The following TSKS variants were observed in gnomAD, a reference collection of about 807,000 sequenced individuals.
TSKS encodes the protein testis specific serine kinase substrate.
TSKS carries 27 observed loss-of-function variants against 68.0 expected under a neutral mutation model. That is an observed-to-expected ratio of 0.40 (90% CI 0.29 to 0.55). TSKS has a LOEUF of 0.55. TSKS is among the 20% of genes least tolerant of loss of function. The probability of loss-of-function intolerance (pLI) is 0.53; values close to 1 mark genes in which losing one functional copy is unlikely to be tolerated. For synonymous variants in TSKS, 331 were observed against 340.4 expected (o/e 0.97, Z 0.30); for missense variants, 806 against 776.0 (o/e 1.04, Z -0.46).
chr19:49,746,839 T>C (rs1276560132), intron 5 of TSKS, 41 bp from the exon 6 acceptor site: 3 of 1,579,666 alleles, frequency 1.9e-6, no homozygotes, highest in Admixed American at 3.4e-5. Context: ...GTCCAGCCGC[T>C]TTCCTCCCGC....
At position 49,745,389 on chromosome 19, in the gene TSKS, C is replaced by A. The variant is rs201892800; in HGVS notation, c.1000G>T (p.Val334Leu). ...TGCCACCGGGCGGTCAGTGAGGACA[C>A]CTCTCTCCTGGAGGGGCAGAGGAGG... ...FTGIEELRRE[V>L]SSLTARWHQE... The change falls in exon 7 of 11, where the codon GTG becomes TTG. Residue 334 changes from valine (V) to leucine (L), a missense_variant. Coordinates refer to ENST00000246801, the MANE Select transcript of TSKS (RefSeq NM_021733.2). The A allele has an allele frequency of 1.6e-4, 254 of 1,560,980 alleles. No homozygotes were observed. The highest frequency in any genetic ancestry group is 2.0e-4 in the Non-Finnish European group (234 of 1,156,934).
intron 2 of TSKS, among the ~76,000 whole-genome samples, chr19:49,752,030 C>T (rs561631551): frequency 1.1e-4 from 17 of 150,188 alleles, no homozygotes; most frequent in South Asian, 4.2e-4. Flanking sequence ...GCCGAGATTG[C>T]GCCACTGCAC....
At chr19:49,762,987 C>T (rs2084456510) in intron 1 of TSKS, 91 bp downstream of exon 1, 1 of 1,479,672 alleles carries the variant, frequency 6.8e-7, no homozygotes, top group Non-Finnish European at 9.0e-7. Context: ...TTTCCCCCTC[C>T]CCTTCCTCTA....
Position 49,745,505 on chromosome 19 carries a change from A to G in TSKS, c.993-109T>C, listed in dbSNP as rs567488095. 1.9e-4 allele frequency: 184 copies of G among 980,148 alleles called. 1 individual carries two copies. In the South Asian group the frequency reaches 3.2e-3, roughly 17 times the overall value. The allele number at this position is 980,148 out of a possible 1,614,324, so 60.7% of individuals were successfully genotyped here. ...TCACCTATCTCGCCCCACTGAGACC[A>G]TGCCCGTGGCTCCAGACCCACCCAG... On this transcript the variant is annotated intron_variant, in intron 6 of 10. Transcript: ENST00000246801.
chr19:49,748,518 C>A, intron 2 of TSKS, 49 bp from the exon 3 acceptor site: 1 of 1,562,800 alleles, frequency 6.4e-7, no homozygotes. Context: ...TGGGGGCAAG[C>A]CCCAAGCCCA....
In TSKS at chr19:49,745,312, G is replaced by A. The variant is rs778402211; in HGVS notation, c.1077C>T (p.Gly359=). 4.4e-6 allele frequency: 7 copies of A among 1,603,852 alleles called. No homozygotes were observed. In the Admixed American group the frequency reaches 5.0e-5, roughly 12 times the overall value. Reference sequence around the variant, plus strand: ...GGCCTAGGAAGCCGTCGACCCTGCCGCCCAGGCCCCCGAGCAGCCGCAGGG... The same window carrying A: ...GGCCTAGGAAGCCGTCGACCCTGCCACCCAGGCCCCCGAGCAGCCGCAGGG... The part of the protein sequence containing the change: ...QEALRLLGGL[G]GRVDGFLGQW... The change falls in exon 7 of 11, where the codon GGC becomes GGT. Residue 359 remains glycine, a synonymous_variant. Coordinates refer to ENST00000246801, the MANE Select transcript of TSKS (RefSeq NM_021733.2).
intron 6 of TSKS, among the ~76,000 whole-genome samples, chr19:49,745,808 A>G (rs1358107564): frequency 1.3e-5 from 2 of 151,956 alleles, no homozygotes; most frequent in Admixed American, 6.6e-5. Flanking sequence ...AAAGTTCCTT[A>G]TTCTGTCCCT....
In TSKS at chr19:49,762,315, C is replaced by T. The variant is rs181805628; in HGVS notation, c.171-83G>A. The T allele has an allele frequency of 9.6e-5, 93 of 969,398 alleles. 1 individual carries two copies. In the East Asian group the frequency reaches 1.7e-3, roughly 17 times the overall value. The allele number at this position is 969,398 out of a possible 1,614,324, so 60.0% of individuals were successfully genotyped here. A position where few individuals can be genotyped will look rare whatever the true frequency, so the allele number is the denominator to read the frequency against. The stretch of plus-strand genomic sequence containing the variant: ...CCTGCCTTCCTTTCTCCATACCTCA[C>T]CCCCTGTGACTCCACCCTCACTGTA... On this transcript the variant is annotated intron_variant, in intron 1 of 10. Transcript: ENST00000246801.
chr19:49,745,196 C>T lies in TSKS; in HGVS notation c.1187+6G>A, dbSNP rs1172324886. 1.9e-6 allele frequency: 3 copies of T among 1,575,870 alleles called. No homozygotes were observed. The highest frequency in any genetic ancestry group is 1.7e-5 in the Admixed American group (1 of 58,140). On this transcript the variant is annotated splice_donor_region_variant and intron_variant, in intron 7 of 10. Coordinates refer to ENST00000246801, the MANE Select transcript of TSKS (RefSeq NM_021733.2). ...GGTCTTCCCATGCACTGGCCCCAAT[C>T]CTCACATGGTGCACAGCTCATCCGC...
At chr19:49,748,247 G>T (rs1036842982) in intron 3 of TSKS, 79 bp from the exon 4 acceptor site, 16 of 1,579,274 alleles carry the variant, frequency 1.0e-5, no homozygotes, top group Non-Finnish European at 1.2e-5. Flanking sequence ...GCCTGGGAAG[G>T]TTCCTTTTCT....
intron 2 of TSKS, among the ~76,000 whole-genome samples, chr19:49,759,132 C>G (rs1406682427): frequency 6.6e-6 from 1 of 151,460 alleles, no homozygotes; most frequent in African/African-American, 2.4e-5. Context: ...GCTGGGATTA[C>G]AGGCATGAGC....
chr19:49,762,240 GAAGAAACAGGCAGAA>G lies in TSKS; in HGVS notation c.171-23_171-9del. On this transcript the variant is annotated splice_polypyrimidine_tract_variant and intron_variant, in intron 1 of 10. Coordinates refer to ENST00000246801, the MANE Select transcript of TSKS (RefSeq NM_021733.2). Reference sequence around the variant, plus strand: ...GACATCTGGGGCTCCACCCTGCAGAGAAGAAACAGGCAGAAAAGTGGAGAAGCAGCCCCAGGGTGT... The same window carrying G: ...GACATCTGGGGCTCCACCCTGCAGAGAAGTGGAGAAGCAGCCCCAGGGTGT... 3 of 1,611,218 alleles carry G rather than the reference GAAGAAACAGGCAGAA, an allele frequency of 1.9e-6. No individual in the cohort carries two copies. In the South Asian group the frequency reaches 3.3e-5, roughly 18 times the overall value.
intron 8 of TSKS, among the ~76,000 whole-genome samples, chr19:49,742,444 C>A (rs2084260371): frequency 6.6e-6 from 1 of 151,446 alleles, no homozygotes; most frequent in Non-Finnish European, 1.5e-5. Context: ...GATCTGCCCA[C>A]CTCGGCCTCC....
chr19:49,761,831 C>T (rs146250633), intron 2 of TSKS, among the ~76,000 whole-genome samples, 173 bp downstream of exon 2: 1 of 152,270 alleles, frequency 6.6e-6, no homozygotes, highest in East Asian at 1.9e-4. Flanking sequence ...CTCCCAGATT[C>T]ATGGCTGGCT....
intron 2 of TSKS, among the ~76,000 whole-genome samples, chr19:49,758,761 G>A (rs2084414564): frequency 6.6e-6 from 1 of 152,144 alleles, no homozygotes; most frequent in African/African-American, 2.4e-5. Flanking sequence ...TTTTGCATTA[G>A]TGACAAAAGC....
intron 2 of TSKS, among the ~76,000 whole-genome samples, chr19:49,753,692 G>A (rs1012895330): frequency 1.3e-5 from 2 of 150,262 alleles, no homozygotes; most frequent in East Asian, 1.9e-4. Flanking sequence ...GTTAGAGGCT[G>A]CAGTGGGCCA....
chr19:49,740,283 C>G, intron 9 of TSKS, 100 bp from the exon 10 acceptor site: 1 of 1,398,430 alleles, frequency 7.2e-7, no homozygotes, highest in Non-Finnish European at 9.5e-7. Context: ...CCCATGGGGC[C>G]CACATTTCTC....
At chr19:49,744,826 G>C (rs1319789414) in intron 7 of TSKS, among the ~76,000 whole-genome samples, 5 of 152,144 alleles carry the variant, frequency 3.3e-5, no homozygotes, top group Non-Finnish European at 1.5e-5. Context: ...CTGGCCTCAA[G>C]TAATCCGCCC....
chr19:49,746,326 C>A (rs562737890), intron 6 of TSKS, 144 bp downstream of exon 6: 11 of 957,874 alleles, frequency 1.1e-5, no homozygotes, highest in Non-Finnish European at 1.5e-5. Flanking sequence ...CCTCAGGTCC[C>A]CGAGGCTCCA....
Sources: allele counts gnomAD v4.1 joint callset (sites outside exome capture counted in the v4.1 genomes callset), GRCh38; gene constraint gnomAD v4.1.1; transcripts MANE v1.5; gene names NCBI Gene and HGNC (gene_info 2026-07-23, HGNC 2026-07-21).